THSD7B: variants seen among roughly 807,000 people sequenced by gnomAD.
THSD7B encodes the protein thrombospondin type 1 domain containing 7B.
Under a neutral mutation model 213.6 loss-of-function variants are expected in THSD7B, and 138 were observed. The observed-to-expected ratio is 0.65, with a 90% CI of 0.56 to 0.74. The LOEUF is 0.74. THSD7B is among the 30% of genes least tolerant of loss of function. THSD7B has a pLI of 0.00. For synonymous variants in THSD7B, 742 were observed against 687.0 expected (o/e 1.08, Z -1.25); for missense variants, 1,931 against 1,991.5 (o/e 0.97, Z 0.58).
chr2:137,428,314 G>A (rs776921644), intron 14 of THSD7B, among the ~76,000 whole-genome samples: 8 of 152,090 alleles, frequency 5.3e-5, no homozygotes, highest in Non-Finnish European at 1.0e-4. Context: ...GTGTTGGTGA[G>A]GATATGAAGA....
intron 5 of THSD7B, among the ~76,000 whole-genome samples, chr2:137,133,810 A>T (rs1284086758): frequency 6.6e-6 from 1 of 152,162 alleles, no homozygotes; most frequent in Non-Finnish European, 1.5e-5. Context: ...AAATAATGAG[A>T]TAGTTTAAAT....
intron 1 of THSD7B, among the ~76,000 whole-genome samples, chr2:136,769,186 G>A (rs770092203): frequency 1.3e-5 from 2 of 152,134 alleles, no homozygotes; most frequent in African/African-American, 2.4e-5. Context: ...AGCCAAGGAG[G>A]ATTAGGTAGT....
chr2:137,355,924 G>A (rs897534176), intron 12 of THSD7B, among the ~76,000 whole-genome samples: 4 of 152,170 alleles, frequency 2.6e-5, no homozygotes, highest in Non-Finnish European at 5.9e-5. Flanking sequence ...TAAGGGATAT[G>A]CTTCTTTGCC....
chr2:137,208,234 C>T (rs555958385), intron 7 of THSD7B, among the ~76,000 whole-genome samples: 62 of 152,168 alleles, frequency 4.1e-4, no homozygotes, highest in Non-Finnish European at 7.9e-4. Context: ...GTCCTGAAGA[C>T]CTTCCACTGG....
chr2:137,372,323 C>CT (rs55635315), intron 12 of THSD7B, among the ~76,000 whole-genome samples: 8,352 of 57,440 alleles, frequency 0.15, 1,782 homozygotes, highest in East Asian at 0.52. Flanking sequence ...TGATAATACT[C>CT]TTTTTTTTTT....
Position 137,451,008 on chromosome 2 carries a change from G to A in THSD7B, c.3123G>A (p.Leu1041=), listed in dbSNP as rs538582414. The A allele has an allele frequency of 4.4e-6, 7 of 1,596,364 alleles. No individual in the cohort carries two copies. In the Admixed American group the frequency reaches 8.8e-5, roughly 20 times the overall value. The change falls in exon 15 of 28, where the codon CTG becomes CTA. Residue 1041 remains leucine (L), a synonymous_variant. Transcript: ENST00000409968. Reference sequence around the variant, plus strand: ...ATGGAGGACGACCATGTCCCAAACTGGATCTCAAGAATCAGGTAAAGTGCA... The same window carrying A: ...ATGGAGGACGACCATGTCCCAAACTAGATCTCAAGAATCAGGTAAAGTGCA... The part of the protein sequence containing the change: ...PYNGGRPCPK[L]DLKNQVHEAV...
chr2:137,447,136 T>C (rs1453304), intron 14 of THSD7B, among the ~76,000 whole-genome samples: 85,144 of 151,872 alleles, frequency 0.56, 27,049 homozygotes, highest in East Asian at 0.77. Context: ...TCAAAATTAT[T>C]TTATGCTCAT....
rs76900424 is a variant in THSD7B at position 137,649,240 on chromosome 2, G to C, written c.3946-6261G>C. On this transcript the variant is annotated intron_variant, in intron 21 of 27. Coordinates refer to ENST00000409968, the MANE Select transcript of THSD7B (RefSeq NM_001316349.2). The stretch of plus-strand genomic sequence containing the variant: ...CTGTTGGTTGTCTCTTCACTTTGTT[G>C]ATTGTTTGCTATGCAGAAGCTTTTT... 5.9e-3 allele frequency among the ~76,000 whole-genome samples: 893 copies of C among 152,176 alleles called. 7 individuals are homozygous for C. Among genetic ancestry groups the C allele is most frequent in the African/African-American group, 0.021 (859 of 41,518 alleles).
rs1401272185 is a variant in THSD7B, at chr2:136,841,090, A to G, written c.-35-41054A>G. Among the ~76,000 whole-genome samples the G allele has an allele frequency of 2.0e-5, 3 of 152,144 alleles. No individual in the cohort carries two copies. In the South Asian group the frequency reaches 6.2e-4, roughly 32 times the overall value. On this transcript the variant is annotated intron_variant, in intron 1 of 27. Transcript: ENST00000409968. ...CCTAGGCAATTCTTCTAACAGCCCT[A>G]TGAGGTAAGAATTTCAAACCCCATT...
At chr2:136,898,344 A>G (rs896449590) in intron 2 of THSD7B, among the ~76,000 whole-genome samples, 1 of 152,166 alleles carries the variant, frequency 6.6e-6, no homozygotes, top group Admixed American at 6.5e-5. Context: ...TTGACTTCTA[A>G]GACAAAGAAA....
At chr2:137,051,426 G>A (rs1283946111) in intron 2 of THSD7B, among the ~76,000 whole-genome samples, 1 of 152,202 alleles carries the variant, frequency 6.6e-6, no homozygotes, top group Non-Finnish European at 1.5e-5. Flanking sequence ...CTATATAAGA[G>A]AGGTGTTATT....
intron 2 of THSD7B, among the ~76,000 whole-genome samples, chr2:136,980,784 G>C (rs1378093568): frequency 6.6e-6 from 1 of 152,178 alleles, no homozygotes; most frequent in Non-Finnish European, 1.5e-5. Context: ...TCTGATCTGA[G>C]GGTTGTACTA....
At chr2:137,551,857 G>T (rs570974522) in intron 15 of THSD7B, among the ~76,000 whole-genome samples, 1 of 152,018 alleles carries the variant, frequency 6.6e-6, no homozygotes, top group Non-Finnish European at 1.5e-5. Context: ...CCTGGGCCTG[G>T]GGCTTGAGCA....
At position 137,426,108 on chromosome 2, in the gene THSD7B, G is replaced by A. The variant is rs191763696; in HGVS notation, c.2959+14236G>A. On this transcript the variant is annotated intron_variant, in intron 14 of 27. Coordinates refer to ENST00000409968, the MANE Select transcript of THSD7B (RefSeq NM_001316349.2). ...TAGCATTTTAAGAATAAAATACTTA[G>A]GAATAAAATTAAGGAAGTGGAAGAT... Among the ~76,000 whole-genome samples, 127 of 151,994 alleles carry A rather than the reference G, an allele frequency of 8.4e-4. No homozygotes were observed. In the East Asian group the frequency reaches 0.02, roughly 24 times the overall value.
intron 4 of THSD7B, among the ~76,000 whole-genome samples, chr2:137,097,623 A>C (rs1180414032): frequency 6.6e-6 from 1 of 152,186 alleles, no homozygotes; most frequent in Non-Finnish European, 1.5e-5. Context: ...TAATGTGGAA[A>C]GAAATAATTC....
At chr2:137,509,635 GCTAAGTCCACTC>G (rs1183538285) in intron 15 of THSD7B, among the ~76,000 whole-genome samples, 5 of 152,132 alleles carry the variant, frequency 3.3e-5, no homozygotes, top group African/African-American at 1.2e-4. Flanking sequence ...GTCTTTGTCT[GCTAAGTCCACTC>G]CTAGTCAATT....
At chr2:137,249,889 T>A (rs1258889022) in intron 10 of THSD7B, among the ~76,000 whole-genome samples, 1 of 152,248 alleles carries the variant, frequency 6.6e-6, no homozygotes, top group African/African-American at 2.4e-5. Context: ...ATGTTATAGA[T>A]CACACATTAA....
intron 12 of THSD7B, among the ~76,000 whole-genome samples, chr2:137,360,636 C>T (rs546818720): frequency 5.9e-5 from 9 of 152,228 alleles, no homozygotes; most frequent in Non-Finnish European, 8.8e-5. Flanking sequence ...AACTGCTGGG[C>T]GGCAAGCCTG....
chr2:136,932,221 GA>G (rs1161174955), intron 2 of THSD7B, among the ~76,000 whole-genome samples: 1 of 152,092 alleles, frequency 6.6e-6, no homozygotes, highest in Non-Finnish European at 1.5e-5. Context: ...GAGTGAGATG[GA>G]AAGAGGAAAG....
Sources: allele counts gnomAD v4.1 joint callset (sites outside exome capture counted in the v4.1 genomes callset), GRCh38; gene constraint gnomAD v4.1.1; transcripts MANE v1.5; gene names NCBI Gene and HGNC (gene_info 2026-07-23, HGNC 2026-07-21).